Variants in MALRD1 observed in about 807,000 individuals in gnomAD.
MALRD1 encodes MAM and LDL-receptor class A domain-containing protein 1.
In MALRD1, 247 loss-of-function variants were observed where a neutral mutation model predicts 242.1. That is an observed-to-expected ratio of 1.02 (90% CI 0.92 to 1.13). The LOEUF is 1.13. Ranked by LOEUF, MALRD1 falls within the 50% of genes most tolerant of loss-of-function variation. The pLI, the probability that MALRD1 is intolerant of heterozygous loss-of-function variation, is 0.00. For synonymous variants in MALRD1, 995 were observed against 866.6 expected (o/e 1.15, Z -2.60); for missense variants, 2,989 against 2,533.1 (o/e 1.18, Z -3.86).
chr10:19,227,397 T>C (rs12256606), intron 18 of MALRD1, among the ~76,000 whole-genome samples: 14,699 of 152,048 alleles, frequency 0.097, 1,005 homozygotes, highest in African/African-American at 0.19. Context: ...TTTATAAAGA[T>C]GGTACTATTA....
chr10:19,681,682 G>T (rs112288130), intron 36 of MALRD1, among the ~76,000 whole-genome samples: 20 of 144,366 alleles, frequency 1.4e-4, no homozygotes, highest in Admixed American at 4.2e-4. Flanking sequence ...CTCAGCCTCA[G>T]CCCAGTTCTG....
intron 2 of MALRD1, among the ~76,000 whole-genome samples, chr10:19,075,799 C>T (rs1564375319): frequency 1.3e-5 from 2 of 152,022 alleles, no homozygotes. Context: ...TGAGATAATA[C>T]ATTTGTGTTG....
rs1843008950 is a variant in MALRD1, at chr10:19,323,987, C to G, written c.3458C>G (p.Ser1153Cys). Residue 1153 changes from serine (S) to cysteine (C), a missense_variant, in exon 22 of 40, where the codon TCT becomes TGT. Ser to Cys is a moderately radical substitution (Grantham distance 112). Coordinates refer to ENST00000454679, the MANE Select transcript of MALRD1 (RefSeq NM_001142308.3). Reference protein sequence around the residue: ...TDGWYLYADSSNGKFGDTADI... With the variant: ...TDGWYLYADSCNGKFGDTADI... ...GGCTGGTACCTGTATGCTGACAGTT[C>G]TAATGGGAAATTTGGTGACACGGCT... The G allele has an allele frequency of 1.9e-6, 3 of 1,550,764 alleles. No homozygotes were observed. The highest frequency in any genetic ancestry group is 2.6e-6 in the Non-Finnish European group (3 of 1,146,904).
At chr10:19,363,172 A>G (rs1844966371) in intron 26 of MALRD1, among the ~76,000 whole-genome samples, 1 of 152,140 alleles carries the variant, frequency 6.6e-6, no homozygotes, top group Admixed American at 6.6e-5. Flanking sequence ...TGTCAGAATT[A>G]AAGTCATATG....
At chr10:19,180,662 A>G (rs1395313550) in intron 14 of MALRD1, among the ~76,000 whole-genome samples, 2 of 152,220 alleles carry the variant, frequency 1.3e-5, no homozygotes, top group Non-Finnish European at 2.9e-5. Context: ...TAGAGTTGGC[A>G]ATGATTTTTT....
At chr10:19,150,581 C>T (rs1054595540) in intron 11 of MALRD1, among the ~76,000 whole-genome samples, 5 of 152,200 alleles carry the variant, frequency 3.3e-5, no homozygotes, top group African/African-American at 9.6e-5. Flanking sequence ...CACCTGGAAA[C>T]TCTGTCTAGG....
chr10:19,048,834 A>G lies in MALRD1; in HGVS notation c.-105A>G. 8 of 895,084 alleles carry G rather than the reference A, an allele frequency of 8.9e-6. No homozygotes were observed. The highest frequency in any genetic ancestry group is 1.2e-5 in the Non-Finnish European group (8 of 680,378). 55.4% of individuals were successfully genotyped at this position (895,084 alleles called of 1,614,324 possible). A position where few individuals can be genotyped will look rare whatever the true frequency, so the allele number is the denominator to read the frequency against. ...AGATAGTTACCAATAGTATCCAGTT[A>G]TAAGAAGCAAATCTGGGAAAGGAAG... On this transcript the variant is annotated 5_prime_UTR_variant, in exon 1 of 40. Coordinates refer to ENST00000454679, the MANE Select transcript of MALRD1 (RefSeq NM_001142308.3).
chr10:19,261,818 T>A (rs969875636), intron 19 of MALRD1, among the ~76,000 whole-genome samples: 5 of 151,850 alleles, frequency 3.3e-5, no homozygotes, highest in African/African-American at 9.7e-5. Context: ...GAAAGCAGTG[T>A]TCTCCAGCAA....
chr10:19,105,806 C>G (rs562785463), intron 5 of MALRD1, among the ~76,000 whole-genome samples: 1 of 151,830 alleles, frequency 6.6e-6, no homozygotes, highest in Non-Finnish European at 1.5e-5. Flanking sequence ...TTTTCATATT[C>G]TATTTATTGG....
At chr10:19,565,797 A>C (rs1169912509) in intron 32 of MALRD1, among the ~76,000 whole-genome samples, 1 of 152,128 alleles carries the variant, frequency 6.6e-6, no homozygotes, top group Non-Finnish European at 1.5e-5. Context: ...TTGCTTGAGA[A>C]ATGTCTTGAG....
chr10:19,389,663 A>C, intron 28 of MALRD1, 54 bp downstream of exon 28: 1 of 1,512,376 alleles, frequency 6.6e-7, no homozygotes, highest in Non-Finnish European at 8.9e-7. Context: ...TTTTAGAGAC[A>C]GGGTCTTGCT....
At chr10:19,721,773 A>G (rs1463675053) in intron 38 of MALRD1, 1 of 152,244 alleles carries the variant, frequency 6.6e-6, no homozygotes, top group Non-Finnish European at 1.5e-5. Flanking sequence ...TAGAAAGGCC[A>G]TGCCTAATCT....
In MALRD1 at chr10:19,116,240, C is replaced by T. The variant is rs192019777; in HGVS notation, c.695-7252C>T. Among the ~76,000 whole-genome samples the T allele has an allele frequency of 2.8e-3, 425 of 152,200 alleles. 3 individuals are homozygous for T. The highest frequency in any genetic ancestry group is 0.019 in the South Asian group (90 of 4,818). ...AACAGCTGATTATAATTTTGTATAA[C>T]GATTTCATGCTGTGGCTCACAATCA... is the stretch of plus-strand genomic sequence containing the variant. On this transcript the variant is annotated intron_variant, in intron 5 of 39. Coordinates refer to ENST00000454679, the MANE Select transcript of MALRD1 (RefSeq NM_001142308.3).
chr10:19,715,949 C>G (rs1041060548), intron 38 of MALRD1, among the ~76,000 whole-genome samples: 5 of 152,134 alleles, frequency 3.3e-5, no homozygotes. Context: ...CCAAACACCT[C>G]CCAGTAGGCC....
intron 5 of MALRD1, among the ~76,000 whole-genome samples, chr10:19,116,557 A>G (rs958095965): frequency 2.6e-5 from 4 of 152,178 alleles, no homozygotes; most frequent in African/African-American, 9.7e-5. Flanking sequence ...TTTTACCACA[A>G]TGGCCTTGAG....
intron 21 of MALRD1, among the ~76,000 whole-genome samples, chr10:19,292,372 T>C (rs1050580618): frequency 1.3e-5 from 2 of 152,172 alleles, no homozygotes; most frequent in Non-Finnish European, 2.9e-5. Flanking sequence ...TTTTAAAATG[T>C]TGTGGATTTG....
At chr10:19,200,083 A>G (rs937221171) in intron 14 of MALRD1, among the ~76,000 whole-genome samples, 1 of 152,164 alleles carries the variant, frequency 6.6e-6, no homozygotes, top group Non-Finnish European at 1.5e-5. Context: ...AGCTGAGGTC[A>G]TGTCACTGCA....
chr10:19,332,375 A>T (rs1374261301), intron 24 of MALRD1, among the ~76,000 whole-genome samples: 2 of 151,158 alleles, frequency 1.3e-5, no homozygotes, highest in Admixed American at 1.3e-4. Context: ...TCTCTCAAGG[A>T]GATACATATC....
Position 19,254,824 on chromosome 10 carries a change from T to C in MALRD1, c.2992-2860T>C, listed in dbSNP as rs369641821. ...AAACTGATATGTTATATTGGAATTG[T>C]GTAATATTTTACAAATACATGATGG... On this transcript the variant is annotated intron_variant, in intron 18 of 39. Transcript: ENST00000454679. 1.6e-3 allele frequency among the ~76,000 whole-genome samples: 239 copies of C among 152,132 alleles called. 2 individuals are homozygous for C. Among genetic ancestry groups the C allele is most frequent in the African/African-American group, 5.6e-3 (233 of 41,526 alleles).
Sources: gnomAD v4.1 joint callset for allele counts (sites outside exome capture counted in the v4.1 genomes callset) on GRCh38, gnomAD v4.1.1 for gene constraint, MANE v1.5 for transcripts, NCBI Gene and HGNC (gene_info 2026-07-23, HGNC 2026-07-21) for gene names.